RNF180: variants seen among roughly 807,000 people sequenced by gnomAD.
RNF180 encodes ring finger protein 180.
RNF180 carries 38 observed loss-of-function variants against 59.2 expected under a neutral mutation model. The observed-to-expected ratio is 0.64, with a 90% CI of 0.50 to 0.84. The LOEUF is 0.84. Among genes scored for constraint, RNF180 ranks in the 40% least tolerant of loss-of-function variants. RNF180 has a pLI of 0.00. For missense variants in RNF180, 705 were observed against 700.9 expected (o/e 1.01, Z -0.07); for synonymous variants, 262 against 240.3 (o/e 1.09, Z -0.84).
intron 1 of RNF180, among the ~76,000 whole-genome samples, chr5:64,170,657 G>A (rs947760608): frequency 1.3e-5 from 2 of 152,130 alleles, no homozygotes; most frequent in African/African-American, 4.8e-5. Flanking sequence ...CTTGGGAAAA[G>A]CCATCCACAG....
chr5:64,168,426 G>C (rs566279215), intron 1 of RNF180, among the ~76,000 whole-genome samples: 17 of 152,284 alleles, frequency 1.1e-4, no homozygotes, highest in African/African-American at 3.6e-4. Flanking sequence ...ACTACAAAGG[G>C]GACAGTGCTT....
intron 5 of RNF180, among the ~76,000 whole-genome samples, chr5:64,312,989 T>C (rs893501870): frequency 2.6e-5 from 4 of 152,178 alleles, no homozygotes; most frequent in Admixed American, 2.6e-4. Flanking sequence ...GTATCCCTTA[T>C]CTAAAATGCT....
At chr5:64,265,633 T>A (rs968235503) in intron 5 of RNF180, among the ~76,000 whole-genome samples, 3 of 152,186 alleles carry the variant, frequency 2.0e-5, no homozygotes, top group African/African-American at 7.2e-5. Flanking sequence ...TCTGTAGCCT[T>A]GTAGTATAGT....
At chr5:64,198,960 C>A (rs1751591840) in intron 1 of RNF180, among the ~76,000 whole-genome samples, 1 of 152,050 alleles carries the variant, frequency 6.6e-6, no homozygotes, top group African/African-American at 2.4e-5. Flanking sequence ...GGACTACAGG[C>A]ATGTTGCCAC....
intron 5 of RNF180, among the ~76,000 whole-genome samples, chr5:64,318,561 C>T (rs1366756729): frequency 6.6e-6 from 1 of 152,218 alleles, no homozygotes; most frequent in East Asian, 1.9e-4. Flanking sequence ...CACATACATA[C>T]ATATATAAAA....
intron 1 of RNF180, among the ~76,000 whole-genome samples, chr5:64,182,842 C>T (rs1750678095): frequency 6.6e-6 from 1 of 152,168 alleles, no homozygotes; most frequent in Admixed American, 6.5e-5. Flanking sequence ...AGAGTCTTTG[C>T]AGACCCTGTC....
chr5:64,174,719 T>C (rs1750133709), intron 1 of RNF180, among the ~76,000 whole-genome samples: 1 of 152,130 alleles, frequency 6.6e-6, no homozygotes, highest in Admixed American at 6.5e-5. Flanking sequence ...AGATGCATAG[T>C]TTGCGAATAT....
intron 5 of RNF180, among the ~76,000 whole-genome samples, chr5:64,225,346 G>T (rs975255811): frequency 6.6e-6 from 1 of 150,866 alleles, no homozygotes; most frequent in African/African-American, 2.4e-5. Flanking sequence ...CGTCTGGGAA[G>T]TGAGGAGCGC....
At chr5:64,178,323 A>G (rs1449722694) in intron 1 of RNF180, among the ~76,000 whole-genome samples, 1 of 152,002 alleles carries the variant, frequency 6.6e-6, no homozygotes, top group Non-Finnish European at 1.5e-5. Context: ...CAGTCCTTTG[A>G]TCTCCACCTG....
At position 64,262,389 on chromosome 5, in the gene RNF180, A is replaced by G. The variant is rs575521510; in HGVS notation, c.1227+44993A>G. ...CTGGGCACTGTGCTGGATGCCTTTC[A>G]TATACCAACTTGTACATTGCTCATT... On this transcript the variant is annotated intron_variant, in intron 5 of 7. Transcript: ENST00000389100. 4.6e-5 allele frequency among the ~76,000 whole-genome samples: 7 copies of G among 152,264 alleles called. No homozygotes were observed. In the South Asian group the frequency reaches 1.2e-3, roughly 27 times the overall value.
In RNF180 at chr5:64,251,522, G is replaced by A. The variant is rs377051411; in HGVS notation, c.1227+34126G>A. Among the ~76,000 whole-genome samples, 26 of 152,218 alleles carry A rather than the reference G, an allele frequency of 1.7e-4. 1 individual carries two copies. Among genetic ancestry groups the A allele is most frequent in the Admixed American group, 1.1e-3 (17 of 15,284 alleles). On this transcript the variant is annotated intron_variant, in intron 5 of 7. Transcript: ENST00000389100. ...ACTGCAGCCTGAAACTCCTGGGCTC[G>A]AGCAAGCCTCCTGCCTCAGCCTTCT...
chr5:64,184,486 C>A (rs1046236976), intron 1 of RNF180, among the ~76,000 whole-genome samples: 2 of 152,082 alleles, frequency 1.3e-5, no homozygotes, highest in African/African-American at 4.8e-5. Flanking sequence ...TAGCACTGTG[C>A]TTCTATACTG....
intron 1 of RNF180, 131 bp from the exon 2 acceptor site, chr5:64,200,677 C>T: frequency 1.5e-6 from 1 of 684,518 alleles, no homozygotes; most frequent in Non-Finnish European, 2.4e-6. Context: ...GACCTGATAA[C>T]TGGTAGGTAC....
chr5:64,371,818 G>T lies in RNF180; in HGVS notation c.*2004G>T, dbSNP rs1021887719. On this transcript the variant is annotated 3_prime_UTR_variant, in exon 8 of 8. Transcript: ENST00000389100. ...GGAGATAAAAACTGCTAAATATTAA[G>T]AAGTATAGCATTTCCTAGATCTACC... is the stretch of plus-strand genomic sequence containing the variant. The T allele has an allele frequency of 6.6e-6, 1 of 151,484 alleles. No homozygotes were observed. The highest frequency in any genetic ancestry group is 1.5e-5 in the Non-Finnish European group (1 of 67,712). 9.4% of individuals were successfully genotyped at this position (151,484 alleles called of 1,614,324 possible).
intron 2 of RNF180, among the ~76,000 whole-genome samples, chr5:64,208,849 T>A (rs1752161214): frequency 6.6e-6 from 1 of 152,018 alleles, no homozygotes; most frequent in Non-Finnish European, 1.5e-5. Flanking sequence ...TATGCTGTTT[T>A]ATATTATTTT....
chr5:64,244,129 G>T (rs988447557), intron 5 of RNF180, among the ~76,000 whole-genome samples: 1 of 152,154 alleles, frequency 6.6e-6, no homozygotes, highest in African/African-American at 2.4e-5. Context: ...CCACGAAGAT[G>T]AGGAAAAAAC....
chr5:64,227,891 TTC>T (rs1741870556), intron 5 of RNF180, among the ~76,000 whole-genome samples: 1 of 152,212 alleles, frequency 6.6e-6, no homozygotes, highest in Admixed American at 6.5e-5. Context: ...CAACCTGTTT[TTC>T]TCTCTCATTG....
intron 7 of RNF180, among the ~76,000 whole-genome samples, chr5:64,350,377 G>C (rs1416716260): frequency 2.0e-5 from 3 of 152,102 alleles, no homozygotes; most frequent in Non-Finnish European, 4.4e-5. Flanking sequence ...TGTTCACTCT[G>C]ATGGTAGTTT....
At chr5:64,236,048 A>G (rs1742423080) in intron 5 of RNF180, among the ~76,000 whole-genome samples, 1 of 152,234 alleles carries the variant, frequency 6.6e-6, no homozygotes, top group Non-Finnish European at 1.5e-5. Context: ...AAAATGTGGA[A>G]GCAACTTTGG....
Sources: allele counts gnomAD v4.1 joint callset (sites outside exome capture counted in the v4.1 genomes callset), GRCh38; gene constraint gnomAD v4.1.1; transcripts MANE v1.5; gene names NCBI Gene and HGNC (gene_info 2026-07-23, HGNC 2026-07-21).